Variants in OSBPL1A observed in about 807,000 individuals in gnomAD.
The protein encoded by OSBPL1A is oxysterol binding protein like 1A, also known as oxysterol-binding protein-related protein 1.
Under a neutral mutation model 137.1 loss-of-function variants are expected in OSBPL1A, and 80 were observed. The observed-to-expected ratio is 0.58, with a 90% CI of 0.49 to 0.70. The LOEUF is 0.70. Ranked by LOEUF, OSBPL1A falls within the 30% of genes least tolerant of loss-of-function variation. OSBPL1A has a pLI of 0.00. For synonymous variants in OSBPL1A, 365 were observed against 389.7 expected (o/e 0.94, Z 0.75); for missense variants, 970 against 1,129.4 (o/e 0.86, Z 2.02).
chr18:24,265,249 G>A (rs1234755825), intron 15 of OSBPL1A, among the ~76,000 whole-genome samples: 7 of 152,230 alleles, frequency 4.6e-5, no homozygotes, highest in Admixed American at 6.5e-5. Context: ...GGAGGCCGAG[G>A]TGGGTGGATC....
At chr18:24,306,483 A>C (rs1176347599) in intron 13 of OSBPL1A, among the ~76,000 whole-genome samples, 1 of 152,200 alleles carries the variant, frequency 6.6e-6, no homozygotes, top group African/African-American at 2.4e-5. Flanking sequence ...CAGCAATAAA[A>C]ATGAATAAAC....
chr18:24,391,721 C>A (rs1599744978), intron 1 of OSBPL1A, among the ~76,000 whole-genome samples: 1 of 151,994 alleles, frequency 6.6e-6, no homozygotes, highest in East Asian at 1.9e-4. Context: ...CAGAATGAAA[C>A]TCTTTTTTAA....
At chr18:24,167,509 A>G (rs1028276649) in intron 24 of OSBPL1A, 64 bp from the exon 25 acceptor site, 1 of 1,306,242 alleles carries the variant, frequency 7.7e-7, no homozygotes, top group African/African-American at 1.5e-5. Flanking sequence ...CAAGCACCAC[A>G]TAATGACATT....
chr18:24,272,144 T>A (rs1228925342), intron 15 of OSBPL1A: 2 of 983,840 alleles, frequency 2.0e-6, no homozygotes, highest in Non-Finnish European at 2.4e-6. Flanking sequence ...GGACTGCTCC[T>A]TGGGCTCTAC....
chr18:24,183,429 CTTTT>C (rs1202011140), intron 18 of OSBPL1A, among the ~76,000 whole-genome samples: 1 of 149,904 alleles, frequency 6.7e-6, no homozygotes, highest in Non-Finnish European at 1.5e-5. Context: ...TTTTCTTTTT[CTTTT>C]TCTTTTTTTT....
At chr18:24,345,715 GTAGATA>G (rs1238554078) in intron 4 of OSBPL1A, among the ~76,000 whole-genome samples, 1 of 152,180 alleles carries the variant, frequency 6.6e-6, no homozygotes, top group East Asian at 1.9e-4. Context: ...TAAAGGAGAT[GTAGATA>G]TATTTTAATT....
At chr18:24,313,246 G>A (rs1036610372) in intron 12 of OSBPL1A, among the ~76,000 whole-genome samples, 8 of 151,684 alleles carry the variant, frequency 5.3e-5, no homozygotes, top group African/African-American at 1.9e-4. Context: ...TTCGAGACCA[G>A]CCTGACGAAC....
Position 24,239,374 on chromosome 18 carries a change from A to T in OSBPL1A, c.1290T>A (p.Asn430Lys). Residue 430 changes from asparagine to lysine, a missense_variant, in exon 16 of 28, where the codon AAT becomes AAA. Physicochemically the swap from Asn to Lys is moderately conservative, Grantham distance 94 (BLOSUM62 0). This residue lies in a region of OSBPL1A where 647 missense variants were observed against 672.6 expected (regional missense o/e 0.96). Transcript: ENST00000319481. ...NLFTKQEGVR[N>K]FKLEQEQEKN... is the part of the protein sequence containing the mutation. The stretch of plus-strand genomic sequence containing the variant: ...TTTCTTGCTCTTGTTCCAATTTAAA[A>T]TTCCTCACCTAGAAGAAAACAGATA... The T allele has an allele frequency of 6.2e-7, 1 of 1,613,632 alleles. No homozygotes were observed. The highest frequency in any genetic ancestry group is 1.7e-4 in the Middle Eastern group (1 of 6,058).
intron 14 of OSBPL1A, among the ~76,000 whole-genome samples, chr18:24,293,129 GA>G (rs376484816): frequency 4.6e-4 from 24 of 52,650 alleles, no homozygotes; most frequent in Non-Finnish European, 6.4e-4. Context: ...AAAAAAAAAA[GA>G]AAAGAAAAGA....
At position 24,331,598 on chromosome 18, in the gene OSBPL1A, G is replaced by A. The variant is rs113713158; in HGVS notation, c.625+1344C>T. 1.1e-4 allele frequency among the ~76,000 whole-genome samples: 16 copies of A among 149,868 alleles called. No individual in the cohort carries two copies. The East Asian group carries it at 2.2e-3, about 20-fold the overall frequency. Reference sequence around the variant, plus strand: ...TTTTTAGTAGAGACGGGGTTTCACCGTGTTAGCCAGGATGGTCTCGATCTC... The same window carrying A: ...TTTTTAGTAGAGACGGGGTTTCACCATGTTAGCCAGGATGGTCTCGATCTC... On this transcript the variant is annotated intron_variant, in intron 7 of 27. Transcript: ENST00000319481.
chr18:24,191,556 T>G (rs2086893122), intron 18 of OSBPL1A, among the ~76,000 whole-genome samples: 1 of 152,240 alleles, frequency 6.6e-6, no homozygotes, highest in Non-Finnish European at 1.5e-5. Flanking sequence ...GTTAATATTT[T>G]CATAAATTTT....
intron 15 of OSBPL1A, among the ~76,000 whole-genome samples, chr18:24,259,247 A>T (rs2089378675): frequency 6.6e-6 from 1 of 152,152 alleles, no homozygotes. Context: ...ATATTTGTGC[A>T]CAACTGTATC....
intron 4 of OSBPL1A, among the ~76,000 whole-genome samples, chr18:24,352,038 T>C (rs564627917): frequency 3.0e-4 from 45 of 152,310 alleles, no homozygotes; most frequent in African/African-American, 1.0e-3. Context: ...GCTGGCACGG[T>C]GGCTCACACC....
intron 16 of OSBPL1A, among the ~76,000 whole-genome samples, chr18:24,238,639 G>C (rs956127182): frequency 6.6e-6 from 1 of 152,152 alleles, no homozygotes; most frequent in African/African-American, 2.4e-5. Context: ...ACACGCCCCA[G>C]GTCACACAGC....
chr18:24,271,729 G>A lies in OSBPL1A; in HGVS notation c.1281+9113C>T, dbSNP rs140798962. 2.8e-3 allele frequency: 2,729 copies of A among 985,276 alleles called. 56 individuals carry two copies. In the African/African-American group the frequency reaches 0.044, roughly 16 times the overall value. The allele number at this position is 985,276 out of a possible 1,614,324, so 61.0% of individuals were successfully genotyped here. A position where few individuals can be genotyped will look rare whatever the true frequency, so the allele number is the denominator to read the frequency against. ...CCTCCTCCTCCCCTCCAGTCGAGCC[G>A]AGGCGAGCCGATCCGGGAGGCGCGA... On this transcript the variant is annotated intron_variant, in intron 15 of 27. Coordinates refer to ENST00000319481, the MANE Select transcript of OSBPL1A (RefSeq NM_080597.4). The surrounding 1 kb of genome is among the most constrained non-coding windows in gnomAD (Gnocchi z 4.0).
At chr18:24,351,347 C>CAAAAAAAAAAA (rs1172514692) in intron 4 of OSBPL1A, among the ~76,000 whole-genome samples, 40 of 35,760 alleles carry the variant, frequency 1.1e-3, no homozygotes, top group East Asian at 1.5e-3. Context: ...GACTCTGTCT[C>CAAAAAAAAAAA]AAAAAAAAAA....
intron 3 of OSBPL1A, chr18:24,367,667 C>T (rs1212235993): frequency 7.1e-6 from 1 of 140,490 alleles, no homozygotes; most frequent in Non-Finnish European, 1.6e-5. Context: ...AAAAAAAAAT[C>T]CATACACCTT....
At chr18:24,374,101 G>A (rs620731) in intron 2 of OSBPL1A, among the ~76,000 whole-genome samples, 7 of 152,112 alleles carry the variant, frequency 4.6e-5, no homozygotes, top group Admixed American at 2.0e-4. Context: ...AAGATAAAGA[G>A]CCAGTCTTTG....
At chr18:24,220,461 A>G (rs2087853330) in intron 17 of OSBPL1A, among the ~76,000 whole-genome samples, 1 of 152,122 alleles carries the variant, frequency 6.6e-6, no homozygotes, top group Non-Finnish European at 1.5e-5. Flanking sequence ...CTAGGCAGGG[A>G]GCCGGGAGAT....
Sources: gnomAD v4.1 joint callset for allele counts (sites outside exome capture counted in the v4.1 genomes callset) on GRCh38, gnomAD v4.1.1 for gene constraint, gnomAD v4.1.1 regional missense constraint, Gnocchi (gnomAD v3.1) non-coding constraint, MANE v1.5 for transcripts, NCBI Gene and HGNC (gene_info 2026-07-23, HGNC 2026-07-21) for gene names.